The following PCNT variants were observed in gnomAD, a reference collection of about 807,000 sequenced individuals.
PCNT encodes the protein pericentrin.
PCNT carries 319 observed loss-of-function variants against 380.4 expected under a neutral mutation model. The observed-to-expected ratio is 0.84, with a 90% CI of 0.77 to 0.92. The LOEUF is 0.92. Among genes scored for constraint, PCNT ranks in the 40% least tolerant of loss-of-function variants. PCNT has a pLI of 0.00. For synonymous variants in PCNT, 1,845 were observed against 1,735.2 expected (o/e 1.06, Z -1.57); for missense variants, 4,400 against 4,255.3 (o/e 1.03, Z -0.95).
chr21:46,439,315 C>G (rs971247505), intron 41 of PCNT, among the ~76,000 whole-genome samples: 3 of 152,106 alleles, frequency 2.0e-5, no homozygotes, highest in Admixed American at 6.6e-5. Context: ...CGTCTGGGAC[C>G]TCCTAAACTG....
rs779757677 is a variant in PCNT, at chr21:46,425,796, A to G, written c.7180-35A>G. 1.9e-6 allele frequency: 3 copies of G among 1,610,190 alleles called. No homozygotes were observed. Among genetic ancestry groups the G allele is most frequent in the East Asian group, 2.2e-5 (1 of 44,754 alleles). On this transcript the variant is annotated intron_variant, in intron 32 of 46. Transcript: ENST00000359568. This position sits in a 1 kb window ranked among gnomAD's most constrained non-coding sequence, Gnocchi z 4.2. The stretch of plus-strand genomic sequence containing the variant: ...GTAGAGCGTGGCTGTGTGGGGTGGC[A>G]GGCAACTCCCTTCTGACGCGCTTTC...
At chr21:46,414,380 CCTTCTCCTCCTTCTCCT>C (rs2086923746) in intron 29 of PCNT, among the ~76,000 whole-genome samples, 2 of 151,448 alleles carry the variant, frequency 1.3e-5, no homozygotes. Context: ...AGCCACCCAC[CCTTCTCCTCCTTCTCCT>C]CTGGGACACA....
At position 46,325,104 on chromosome 21, in the gene PCNT, C is replaced by G. The variant is rs973208227; in HGVS notation, c.54+822C>G. ...AGCGCTCGGTTTGATGGCCACTGTC[C>G]TAGGTTTCGTGGGAATAAAGCGCGC... On this transcript the variant is annotated intron_variant, in intron 1 of 46. Coordinates refer to ENST00000359568, the MANE Select transcript of PCNT (RefSeq NM_006031.6). 8.1e-6 allele frequency: 8 copies of G among 985,422 alleles called. No homozygotes were observed. The African/African-American group carries it at 8.7e-5, about 11-fold the overall frequency. The allele number at this position is 985,422 out of a possible 1,614,324, so 61.0% of individuals were successfully genotyped here. A position where few individuals can be genotyped will look rare whatever the true frequency, so the allele number is the denominator to read the frequency against.
At chr21:46,393,698 G>T (rs2086114344) in intron 21 of PCNT, among the ~76,000 whole-genome samples, 1 of 152,248 alleles carries the variant, frequency 6.6e-6, no homozygotes, top group Non-Finnish European at 1.5e-5. Context: ...GCGCCCCCGT[G>T]TCAGGTGCCT....
At chr21:46,443,356 T>G (rs1250444531) in intron 44 of PCNT, among the ~76,000 whole-genome samples, 4 of 152,356 alleles carry the variant, frequency 2.6e-5, no homozygotes, top group Admixed American at 6.5e-5. Flanking sequence ...TACCTGGGAC[T>G]GTGGGCATGA....
chr21:46,401,423 C>T (rs1433214915), intron 25 of PCNT, 128 bp from the exon 26 acceptor site: 3 of 766,962 alleles, frequency 3.9e-6, no homozygotes, highest in Non-Finnish European at 6.7e-6. Flanking sequence ...TCACTGAGTG[C>T]AGGGGCGTGC....
intron 41 of PCNT, among the ~76,000 whole-genome samples, chr21:46,438,538 G>C (rs1254851753): frequency 6.6e-6 from 1 of 152,190 alleles, no homozygotes; most frequent in Non-Finnish European, 1.5e-5. Flanking sequence ...CCGACTTCCA[G>C]CTCCGCCACA....
At chr21:46,426,140 T>G (rs977740335) in intron 33 of PCNT, among the ~76,000 whole-genome samples, 169 bp downstream of exon 33, 43 of 131,414 alleles carry the variant, frequency 3.3e-4, no homozygotes, top group Middle Eastern at 4.2e-3. Context: ...GGTCAAGCAG[T>G]TCTCTGCCTC....
At chr21:46,433,619 C>T (rs1034912496) in intron 38 of PCNT, among the ~76,000 whole-genome samples, 2 of 152,104 alleles carry the variant, frequency 1.3e-5, no homozygotes, top group African/African-American at 4.8e-5. Flanking sequence ...CTTCCTGAAA[C>T]CACGCCTGAA....
intron 39 of PCNT, among the ~76,000 whole-genome samples, chr21:46,436,759 G>C (rs75710283): frequency 6.6e-6 from 1 of 152,012 alleles, no homozygotes; most frequent in Non-Finnish European, 1.5e-5. Context: ...TCGGTGGCGC[G>C]CCTCCCGGCT....
intron 1 of PCNT, 138 bp from the exon 2 acceptor site, chr21:46,326,239 A>G (rs574282411): frequency 1.1e-5 from 8 of 732,246 alleles, no homozygotes; most frequent in African/African-American, 1.0e-4. Flanking sequence ...GTGGAGAGCC[A>G]TCTGTTGGCC....
At chr21:46,392,899 G>T (rs1443729868) in intron 21 of PCNT, among the ~76,000 whole-genome samples, 1 of 152,124 alleles carries the variant, frequency 6.6e-6, no homozygotes, top group Non-Finnish European at 1.5e-5. Context: ...TTTATTTTAA[G>T]TCTTTTTTAA....
intron 27 of PCNT, among the ~76,000 whole-genome samples, chr21:46,403,906 T>TCG (rs2086536353): frequency 1.4e-5 from 1 of 71,316 alleles, no homozygotes; most frequent in Non-Finnish European, 2.8e-5. Flanking sequence ...CGTGGGAGAA[T>TCG]TGTGTGTGTG....
At position 46,443,912 on chromosome 21, in the gene PCNT, G is replaced by T. The variant is rs372044875; in HGVS notation, c.9803G>T (p.Arg3268Ile). 8.1e-6 allele frequency: 13 copies of T among 1,612,608 alleles called. No homozygotes were observed. The highest frequency in any genetic ancestry group is 2.0e-4 in the Middle Eastern group (1 of 4,938). Reference sequence around the variant, plus strand: ...ACCAGGGACCCTGCCAGAGGCCGCAGACTGGCAGCAGCAGCCTCCCCACAC... The same window carrying T: ...ACCAGGGACCCTGCCAGAGGCCGCATACTGGCAGCAGCAGCCTCCCCACAC... ...GHTRDPARGR[R>I]LAAAASPHSG... Residue 3268 changes from arginine to isoleucine, a missense_variant, in exon 45 of 47, where the codon AGA becomes ATA. Transcript: ENST00000359568.
Position 46,437,070 on chromosome 21 carries a change from A to G in PCNT, c.9088A>G (p.Thr3030Ala), listed in dbSNP as rs779648592. 7 of 1,613,126 alleles carry G rather than the reference A, an allele frequency of 4.3e-6. No homozygotes were observed. The South Asian group carries it at 6.6e-5, about 15-fold the overall frequency. ...EELKSDLSRP[T>A]SSQKKMAAEL... is the part of the protein sequence containing the mutation. ...GCTGAAGTCTGACTTGAGCAGGCCC[A>G]CCTCCTCCCAGGTAAGGGGTGAGCG... The change falls in exon 40 of 47, where the codon ACC becomes GCC. Residue 3030 changes from threonine (T) to alanine (A), a missense_variant. Coordinates refer to ENST00000359568, the MANE Select transcript of PCNT (RefSeq NM_006031.6).
At chr21:46,372,644 T>C (rs931079687) in intron 15 of PCNT, among the ~76,000 whole-genome samples, 3 of 152,228 alleles carry the variant, frequency 2.0e-5, no homozygotes, top group Non-Finnish European at 4.4e-5. Flanking sequence ...TGCTAAGATC[T>C]CATTTCTAGC....
chr21:46,398,924 A>T (rs1354209268), intron 24 of PCNT, among the ~76,000 whole-genome samples: 2 of 141,848 alleles, frequency 1.4e-5, no homozygotes, highest in African/African-American at 5.4e-5. Context: ...GGTTCACGCC[A>T]TTCTCCTGCC....
rs190414819 is a variant in PCNT at position 46,373,306 on chromosome 21, G to A, written c.3165+6167G>A. On this transcript the variant is annotated intron_variant, in intron 15 of 46. Transcript: ENST00000359568. ...TGCTGGGACCATAGGCGTGAGCCGC[G>A]CCTGGCCTGGACTATTATCGGAATA... is the stretch of plus-strand genomic sequence containing the variant. Among the ~76,000 whole-genome samples the A allele has an allele frequency of 1.3e-3, 195 of 152,008 alleles. 2 individuals carry two copies. Among genetic ancestry groups the A allele is most frequent in the Admixed American group, 0.011 (163 of 15,276 alleles).
At chr21:46,422,879 C>T (rs763403931) in intron 32 of PCNT, among the ~76,000 whole-genome samples, 5 of 152,178 alleles carry the variant, frequency 3.3e-5, no homozygotes, top group East Asian at 1.9e-4. Flanking sequence ...TTGTTACATG[C>T]GTTTAAAAGT....
Sources: allele counts gnomAD v4.1 joint callset (sites outside exome capture counted in the v4.1 genomes callset), GRCh38; gene constraint gnomAD v4.1.1; non-coding constraint Gnocchi (gnomAD v3.1); transcripts MANE v1.5; gene names NCBI Gene and HGNC (gene_info 2026-07-23, HGNC 2026-07-21).